SPTAN1: variants seen among roughly 807,000 people sequenced by gnomAD.
SPTAN1 encodes the protein spectrin alpha, non-erythrocytic 1.
SPTAN1 carries 61 observed loss-of-function variants against 331.3 expected under a neutral mutation model. That is an observed-to-expected ratio of 0.18 (90% CI 0.15 to 0.23). SPTAN1 has a LOEUF of 0.23. Among genes scored for constraint, SPTAN1 ranks in the 10% least tolerant of loss-of-function variants. SPTAN1 has a pLI of 1.00. For missense variants in SPTAN1, 2,043 were observed against 3,147.9 expected, an observed-to-expected ratio of 0.65 and a Z score of 8.40; for synonymous variants, 1,153 against 1,173.9, an observed-to-expected ratio of 0.98 and a Z score of 0.36.
Position 128,581,854 on chromosome 9 carries a change from T to G in SPTAN1, c.1534T>G (p.Phe512Val), listed in dbSNP as rs147444364. ...VEALLKKHED[F>V]EKSLSAQEEK... ...AGCGCTTCTTAAGAAGCACGAAGACTTTGAGAAATCCCTTAGTGCCCAGGA... is the reference window on the plus strand; with the variant it reads ...AGCGCTTCTTAAGAAGCACGAAGACGTTGAGAAATCCCTTAGTGCCCAGGA... Residue 512 changes from phenylalanine to valine, a missense_variant, in exon 12 of 57, where the codon TTT (phenylalanine) becomes GTT (valine). Physicochemically the swap from Phe to Val is conservative, Grantham distance 50 (BLOSUM62 -1). Transcript: ENST00000372739. 15 of 1,613,926 alleles carry G rather than the reference T, an allele frequency of 9.3e-6. No homozygotes were observed. The highest frequency in any genetic ancestry group is 1.2e-5 in the Non-Finnish European group (14 of 1,179,946).
intron 19 of SPTAN1, among the ~76,000 whole-genome samples, chr9:128,586,606 T>A (rs796630862): frequency 1.3e-5 from 2 of 151,984 alleles, no homozygotes; most frequent in African/African-American, 4.8e-5. Flanking sequence ...TATACATACC[T>A]ACAAACATAC....
In SPTAN1 at chr9:128,585,741, C is replaced by T; in HGVS notation, c.2561-7C>T. 1 of 1,613,602 alleles carries T rather than the reference C, an allele frequency of 6.2e-7. No homozygotes were observed. The highest frequency in any genetic ancestry group is 8.5e-7 in the Non-Finnish European group (1 of 1,179,606). ...TTTGTTATCCTCTTTCCCTACCCAT[C>T]TTCCAGGCCATTTTGCTGCAGAGGA... On this transcript the variant is annotated splice_polypyrimidine_tract_variant and splice_region_variant and intron_variant, in intron 18 of 56. Transcript: ENST00000372739.
chr9:128,560,073 A>G (rs1293639215), intron 1 of SPTAN1, among the ~76,000 whole-genome samples: 1 of 128,736 alleles, frequency 7.8e-6, no homozygotes, highest in East Asian at 2.3e-4. Context: ...ATACATCCAC[A>G]TCCACCTCAC....
intron 24 of SPTAN1, chr9:128,596,250 G>T (rs1027722964): frequency 2.0e-5 from 3 of 151,896 alleles, no homozygotes; most frequent in Admixed American, 1.3e-4. Flanking sequence ...TTGTTTTTGG[G>T]TTTTTTTGTT....
chr9:128,617,908 G>A, intron 42 of SPTAN1, 79 bp from the exon 43 acceptor site: 1 of 1,613,306 alleles, frequency 6.2e-7, no homozygotes, highest in South Asian at 1.1e-5. Context: ...ACTTGATGTT[G>A]AGGCCTTTTC....
chr9:128,553,806 G>A (rs1021478670), intron 1 of SPTAN1, among the ~76,000 whole-genome samples: 1 of 152,086 alleles, frequency 6.6e-6, no homozygotes, highest in Non-Finnish European at 1.5e-5. Context: ...ATGGCTGTTC[G>A]GGAAGAACAG....
chr9:128,631,230 G>C (rs1859670803), intron 52 of SPTAN1, among the ~76,000 whole-genome samples: 1 of 149,694 alleles, frequency 6.7e-6, no homozygotes, highest in Non-Finnish European at 1.5e-5. Context: ...AGCCGAGGCG[G>C]GTGGATTGCT....
rs767918528 is a variant in SPTAN1 at position 128,584,391 on chromosome 9, C to T, written c.2303C>T (p.Ala768Val). 2 of 1,614,140 alleles carry T rather than the reference C, an allele frequency of 1.2e-6. No homozygotes were observed. Among genetic ancestry groups the T allele is most frequent in the East Asian group, 2.2e-5 (1 of 44,868 alleles). ...GAAGCCCTCGTGGCTCGCTATGAGG[C>T]ACTCAAGGAGCCCATGGTTGCCCGG... Reference protein sequence around the residue: ...KQEALVARYEALKEPMVARKQ... With the variant: ...KQEALVARYEVLKEPMVARKQ... The change falls in exon 17 of 57, where the codon GCA becomes GTA. Residue 768 changes from alanine (A) to valine (V), a missense_variant. By Grantham distance (64) the Ala-to-Val change is moderately conservative (BLOSUM62 0). Around this residue, in one of 12 missense-constraint regions of SPTAN1, gnomAD observed 1,038 missense variants for 1,531.5 expected, o/e 0.68. Transcript: ENST00000372739.
At chr9:128,586,788 C>G (rs1383340357) in intron 19 of SPTAN1, among the ~76,000 whole-genome samples, 2 of 149,828 alleles carry the variant, frequency 1.3e-5, no homozygotes, top group Non-Finnish European at 3.0e-5. Flanking sequence ...TACCACTCTT[C>G]ACAAAAACTA....
At chr9:128,565,086 C>G (rs1044320702) in intron 1 of SPTAN1, among the ~76,000 whole-genome samples, 1 of 152,102 alleles carries the variant, frequency 6.6e-6, no homozygotes, top group Non-Finnish European at 1.5e-5. Flanking sequence ...AGGCAGATCA[C>G]GAGGTCAAGA....
At chr9:128,581,203 T>C in intron 11 of SPTAN1, 144 bp downstream of exon 11, 1 of 1,162,556 alleles carries the variant, frequency 8.6e-7, no homozygotes, top group African/African-American at 1.5e-5. Flanking sequence ...AGCAAGCTTC[T>C]CTCAGCTCTG....
chr9:128,554,586 A>C lies in SPTAN1; in HGVS notation c.-4+1890A>C, dbSNP rs114019948. On this transcript the variant is annotated intron_variant, in intron 1 of 56. Coordinates refer to ENST00000372739, the MANE Select transcript of SPTAN1 (RefSeq NM_001130438.3). ...ACTGCTGAATCTACACTAAGAATGG[A>C]CAAGTGTGTTCAAGGCTGGCCTGCC... is the stretch of plus-strand genomic sequence containing the variant. 6.4e-3 allele frequency among the ~76,000 whole-genome samples: 976 copies of C among 152,336 alleles called. 12 individuals carry two copies. Among genetic ancestry groups the C allele is most frequent in the African/African-American group, 0.022 (920 of 41,576 alleles).
chr9:128,612,175 A>G lies in SPTAN1; in HGVS notation c.4972A>G (p.Lys1658Glu). 6.2e-7 allele frequency: 1 copy of G among 1,614,166 alleles called. No homozygotes were observed. Among genetic ancestry groups the G allele is most frequent in the South Asian group, 1.1e-5 (1 of 91,078 alleles). ...GCAAAAGTCAGCGGAAAAGAGCCAGAAACTGAAAGAAGCCAACAAGCAGCA... is the reference window on the plus strand; with the variant it reads ...GCAAAAGTCAGCGGAAAAGAGCCAGGAACTGAAAGAAGCCAACAAGCAGCA... ...LVQKSAEKSQ[K>E]LKEANKQQNF... The change falls in exon 39 of 57, where the codon AAA becomes GAA. Residue 1658 changes from lysine to glutamate, a missense_variant. Physicochemically the swap from Lys to Glu is moderately conservative, Grantham distance 56. Coordinates refer to ENST00000372739, the MANE Select transcript of SPTAN1 (RefSeq NM_001130438.3).
intron 44 of SPTAN1, among the ~76,000 whole-genome samples, chr9:128,620,353 T>A (rs1857686638): frequency 6.6e-6 from 1 of 152,128 alleles, no homozygotes; most frequent in Non-Finnish European, 1.5e-5. Flanking sequence ...TCATTTCCCA[T>A]CCTCTGCATA....
chr9:128,582,378 G>T, intron 12 of SPTAN1, 101 bp from the exon 13 acceptor site: 1 of 1,023,280 alleles, frequency 9.8e-7, no homozygotes, highest in Non-Finnish European at 1.5e-6. Context: ...CTATGTTAAA[G>T]TTTGGTGTGT....
intron 41 of SPTAN1, 23 bp downstream of exon 41, chr9:128,615,863 A>G (rs1221347749): frequency 1.2e-6 from 2 of 1,613,208 alleles, no homozygotes; most frequent in South Asian, 2.2e-5. Flanking sequence ...AGCCCTCTAG[A>G]AGGCCCCTTA....
rs760414636 is a variant in SPTAN1 at position 128,587,590 on chromosome 9, G to A, written c.2779-16G>A. 1.9e-6 allele frequency: 3 copies of A among 1,612,338 alleles called. No homozygotes were observed. The highest frequency in any genetic ancestry group is 2.2e-5 in the South Asian group (2 of 91,018). ...TCAGCCCCTGCACAGTGCTCCATGTGTGGTTTTGGTTTCAGGCTCTACTGA... is the reference window on the plus strand; with the variant it reads ...TCAGCCCCTGCACAGTGCTCCATGTATGGTTTTGGTTTCAGGCTCTACTGA... On this transcript the variant is annotated splice_polypyrimidine_tract_variant and intron_variant, in intron 19 of 56. Coordinates refer to ENST00000372739, the MANE Select transcript of SPTAN1 (RefSeq NM_001130438.3).
At position 128,627,328 on chromosome 9, in the gene SPTAN1, G is replaced by A. The variant is rs753042080; in HGVS notation, c.6577-58G>A. 11 of 1,471,844 alleles carry A rather than the reference G, an allele frequency of 7.5e-6. No homozygotes were observed. The highest frequency in any genetic ancestry group is 2.8e-5 in the African/African-American group (2 of 71,476). The allele number at this position is 1,471,844 out of a possible 1,614,324, so 91.2% of individuals were successfully genotyped here. A position where few individuals can be genotyped will look rare whatever the true frequency, so the allele number is the denominator to read the frequency against. On this transcript the variant is annotated intron_variant, in intron 49 of 56. Coordinates refer to ENST00000372739, the MANE Select transcript of SPTAN1 (RefSeq NM_001130438.3). The surrounding 1 kb of genome is among the most constrained non-coding windows in gnomAD (Gnocchi z 4.9). Reference sequence around the variant, plus strand: ...CACCACCCTGAGCCCATCTGTGAAGGAGGGGCTGGTGTCACTGCCACAGCA... The same window carrying A: ...CACCACCCTGAGCCCATCTGTGAAGAAGGGGCTGGTGTCACTGCCACAGCA...
At chr9:128,594,706 A>G (rs1360768845) in intron 24 of SPTAN1, among the ~76,000 whole-genome samples, 1 of 150,022 alleles carries the variant, frequency 6.7e-6, no homozygotes, top group Admixed American at 6.6e-5. Context: ...TACTGGGATT[A>G]TAGGCATGAG....
Sources: allele counts gnomAD v4.1 joint callset (sites outside exome capture counted in the v4.1 genomes callset), GRCh38; gene constraint gnomAD v4.1.1; regional missense constraint gnomAD v4.1.1; non-coding constraint Gnocchi (gnomAD v3.1); transcripts MANE v1.5; gene names NCBI Gene and HGNC (gene_info 2026-07-23, HGNC 2026-07-21).